Variants in WDR72 observed in about 807,000 individuals in gnomAD.
WDR72 encodes WD repeat domain 72, also known as WD repeat-containing protein 72.
In WDR72, 120 loss-of-function variants were observed where a neutral mutation model predicts 124.2. The ratio of observed to expected loss-of-function variants is 0.97; its 90% CI spans 0.83 to 1.12. The LOEUF (loss-of-function observed/expected upper bound fraction) is 1.12, where lower values mean the gene tolerates loss of function less well. Among genes scored for constraint, WDR72 ranks in the 50% most tolerant of loss-of-function variants. The probability of loss-of-function intolerance (pLI) is 0.00; values close to 1 mark genes in which losing one functional copy is unlikely to be tolerated. For synonymous variants in WDR72, 452 were observed against 441.7 expected, an observed-to-expected ratio of 1.02 and a Z score of -0.29; for missense variants, 1,387 against 1,278.8, an observed-to-expected ratio of 1.08 and a Z score of -1.29.
intron 18 of WDR72, among the ~76,000 whole-genome samples, chr15:53,539,079 A>G (rs985804249): frequency 2.0e-5 from 3 of 152,204 alleles, no homozygotes; most frequent in Admixed American, 2.0e-4. Flanking sequence ...TTACCCCAGA[A>G]AATAAAGTAA....
intron 18 of WDR72, among the ~76,000 whole-genome samples, chr15:53,535,730 C>A (rs899525091): frequency 6.6e-6 from 1 of 152,136 alleles, no homozygotes; most frequent in Non-Finnish European, 1.5e-5. Context: ...ATCTGAAACA[C>A]AGATCAAATT....
chr15:53,742,372 C>A (rs956590611), intron 1 of WDR72, among the ~76,000 whole-genome samples: 4 of 152,062 alleles, frequency 2.6e-5, no homozygotes, highest in African/African-American at 9.7e-5. Flanking sequence ...CAGAAGTACA[C>A]CTGTTGTGTT....
chr15:53,631,179 G>A (rs561521651), intron 14 of WDR72, among the ~76,000 whole-genome samples: 3 of 152,066 alleles, frequency 2.0e-5, no homozygotes, highest in Non-Finnish European at 2.9e-5. Flanking sequence ...CCTCTCCTTG[G>A]TACTACATAG....
At chr15:53,559,804 TAACTC>T (rs1894065618) in intron 18 of WDR72, among the ~76,000 whole-genome samples, 1 of 152,006 alleles carries the variant, frequency 6.6e-6, no homozygotes, top group African/African-American at 2.4e-5. Context: ...TATGTTCTCT[TAACTC>T]GACAGCTTAT....
intron 14 of WDR72, among the ~76,000 whole-genome samples, chr15:53,619,114 A>G (rs898108821): frequency 9.2e-5 from 14 of 151,964 alleles, no homozygotes; most frequent in African/African-American, 3.4e-4. Flanking sequence ...ATAGACAGCT[A>G]TTTCTTACTC....
intron 18 of WDR72, among the ~76,000 whole-genome samples, chr15:53,535,085 T>C (rs942245013): frequency 6.6e-4 from 100 of 152,256 alleles, no homozygotes; most frequent in Non-Finnish European, 2.5e-4. Context: ...TTTAACTAGA[T>C]AAAAATAATT....
At chr15:53,718,308 T>C (rs993509712) in intron 3 of WDR72, among the ~76,000 whole-genome samples, 6 of 137,616 alleles carry the variant, frequency 4.4e-5, no homozygotes, top group Non-Finnish European at 8.8e-5. Context: ...TGAGAACTTT[T>C]AAAAAATACT....
chr15:53,760,683 T>G (rs1389808909), upstream of WDR72, among the ~76,000 whole-genome samples: 1 of 152,210 alleles, frequency 6.6e-6, no homozygotes, highest in Non-Finnish European at 1.5e-5. Context: ...TTTTCTTTCT[T>G]TTGGATGTAT....
At chr15:53,628,795 T>C (rs2014307279) in intron 14 of WDR72, among the ~76,000 whole-genome samples, 1 of 152,098 alleles carries the variant, frequency 6.6e-6, no homozygotes, top group Admixed American at 6.6e-5. Context: ...TTTAAATTCA[T>C]ACCAACAATA....
intron 9 of WDR72, among the ~76,000 whole-genome samples, chr15:53,707,441 G>C (rs928949263): frequency 2.3e-5 from 2 of 87,664 alleles, no homozygotes; most frequent in Non-Finnish European, 4.3e-5. Flanking sequence ...AATAAAGTCA[G>C]TTTCTAAATG....
chr15:53,604,885 T>C (rs2140351586), intron 17 of WDR72, among the ~76,000 whole-genome samples: 1 of 152,288 alleles, frequency 6.6e-6, no homozygotes, highest in East Asian at 1.9e-4. Flanking sequence ...TATACATTGT[T>C]GGTGGGAATG....
intron 5 of WDR72, among the ~76,000 whole-genome samples, 179 bp downstream of exon 5, chr15:53,715,014 C>T (rs2017663456): frequency 6.6e-6 from 1 of 152,168 alleles, no homozygotes; most frequent in Admixed American, 6.6e-5. Context: ...ATGTTTTGAA[C>T]CACTGGCATG....
At chr15:53,643,746 G>A (rs533996595) in intron 14 of WDR72, among the ~76,000 whole-genome samples, 13 of 131,324 alleles carry the variant, frequency 9.9e-5, no homozygotes, top group African/African-American at 2.7e-4. Context: ...GTGTGTGTGC[G>A]TGTGTGTGTA....
chr15:53,699,377 C>G (rs2017097112), intron 13 of WDR72, among the ~76,000 whole-genome samples: 3 of 152,100 alleles, frequency 2.0e-5, no homozygotes, highest in Admixed American at 2.0e-4. Flanking sequence ...TCAATTAGCT[C>G]AAAATGTTGC....
chr15:53,606,574 T>G (rs1424374950), intron 17 of WDR72, among the ~76,000 whole-genome samples: 1 of 152,162 alleles, frequency 6.6e-6, no homozygotes, highest in Non-Finnish European at 1.5e-5. Context: ...TAATTTTCAT[T>G]AAAAGTAATC....
chr15:53,718,413 A>T (rs1011770995), intron 3 of WDR72, among the ~76,000 whole-genome samples: 1 of 152,186 alleles, frequency 6.6e-6, no homozygotes, highest in Non-Finnish European at 1.5e-5. Context: ...TAAAAATATT[A>T]ATGTATTTAA....
chr15:53,688,131 C>T (rs1188488189), intron 13 of WDR72, among the ~76,000 whole-genome samples: 5 of 150,428 alleles, frequency 3.3e-5, no homozygotes, highest in East Asian at 2.0e-4. Context: ...AAACTGGAAG[C>T]ATTCCCTTTG....
At chr15:53,690,595 A>T (rs2016807097) in intron 13 of WDR72, among the ~76,000 whole-genome samples, 1 of 152,184 alleles carries the variant, frequency 6.6e-6, no homozygotes, top group African/African-American at 2.4e-5. Context: ...AGGTTCATTC[A>T]AGTTGTAGCA....
chr15:53,552,534 A>G (rs1333984582), intron 18 of WDR72, among the ~76,000 whole-genome samples: 1 of 152,172 alleles, frequency 6.6e-6, no homozygotes, highest in African/African-American at 2.4e-5. Flanking sequence ...TTAAATGTTT[A>G]TAGTTAATTT....
Sources: allele counts gnomAD v4.1 joint callset (sites outside exome capture counted in the v4.1 genomes callset), GRCh38; gene constraint gnomAD v4.1.1; transcripts MANE v1.5; gene names NCBI Gene and HGNC (gene_info 2026-07-23, HGNC 2026-07-21).